The following THRB variants were observed in gnomAD, a reference collection of about 807,000 sequenced individuals.
THRB encodes the protein thyroid hormone receptor beta.
Under a neutral mutation model 47.8 loss-of-function variants are expected in THRB, and 12 were observed. The observed-to-expected ratio is 0.25, with a 90% CI of 0.16 to 0.41. THRB has a LOEUF of 0.41. Among genes scored for constraint, THRB ranks in the 10% least tolerant of loss-of-function variants. The pLI, the probability that THRB is intolerant of heterozygous loss-of-function variation, is 1.00. For missense variants in THRB, 348 were observed against 589.2 expected (o/e 0.59, Z 4.24); for synonymous variants, 218 against 212.2 (o/e 1.03, Z -0.24).
intron 5 of THRB, among the ~76,000 whole-genome samples, chr3:24,179,802 C>A (rs1013376033): frequency 5.9e-5 from 9 of 152,032 alleles, no homozygotes; most frequent in Non-Finnish European, 8.8e-5. Flanking sequence ...TAGTGATCAC[C>A]AGGCTTATAT....
chr3:24,372,732 T>C (rs2065006932), intron 1 of THRB, among the ~76,000 whole-genome samples: 1 of 152,094 alleles, frequency 6.6e-6, no homozygotes, highest in South Asian at 2.1e-4. Flanking sequence ...GAGAGTCCAA[T>C]GTCTCAGGAA....
chr3:24,259,442 C>G (rs1847666), intron 3 of THRB, among the ~76,000 whole-genome samples: 1 of 152,120 alleles, frequency 6.6e-6, no homozygotes, highest in Non-Finnish European at 1.5e-5. Flanking sequence ...TGAACATGTT[C>G]TTAACAGTGT....
At chr3:24,225,900 A>G (rs1395479530) in intron 4 of THRB, among the ~76,000 whole-genome samples, 6 of 152,180 alleles carry the variant, frequency 3.9e-5, no homozygotes, top group Non-Finnish European at 8.8e-5. Context: ...ATGATTTCAT[A>G]TAGTCCTAAT....
intron 1 of THRB, among the ~76,000 whole-genome samples, chr3:24,486,227 C>T (rs73152108): frequency 0.032 from 4,828 of 152,174 alleles, 253 homozygotes; most frequent in African/African-American, 0.11. Context: ...ATTATCTGGC[C>T]GCAAATGCCA....
intron 3 of THRB, among the ~76,000 whole-genome samples, chr3:24,269,599 ATTTTTTT>A (rs10575669): frequency 0.015 from 1,978 of 134,292 alleles, 51 homozygotes; most frequent in African/African-American, 0.052. Context: ...ATAATTTTTA[ATTTTTTT>A]TTTTTTTTTT....
rs114505932 is a variant in THRB at position 24,393,260 on chromosome 3, G to A, written c.-260-55889C>T. Among the ~76,000 whole-genome samples, 969 of 152,240 alleles carry A rather than the reference G, an allele frequency of 6.4e-3. 14 individuals are homozygous for A. Among genetic ancestry groups the A allele is most frequent in the African/African-American group, 0.022 (914 of 41,546 alleles). ...CAGTTATTTTTATATCATGGCAATG[G>A]AAGTCCTTAAGACGACTGAATACCC... is the stretch of plus-strand genomic sequence containing the variant. On this transcript the variant is annotated intron_variant, in intron 1 of 10. Transcript: ENST00000646209.
At chr3:24,402,494 TCTTC>T (rs1224579459) in intron 1 of THRB, among the ~76,000 whole-genome samples, 1 of 79,952 alleles carries the variant, frequency 1.3e-5, no homozygotes, top group Admixed American at 2.0e-4. Context: ...AACCCTTCTT[TCTTC>T]CTTTTTTTTT....
chr3:24,214,254 G>C (rs756433752), intron 4 of THRB, among the ~76,000 whole-genome samples: 4 of 152,166 alleles, frequency 2.6e-5, no homozygotes, highest in Non-Finnish European at 5.9e-5. Flanking sequence ...AAAATGGCTG[G>C]TGCAGGGCTA....
At chr3:24,169,160 T>A (rs1356421147) in intron 5 of THRB, among the ~76,000 whole-genome samples, 1 of 152,220 alleles carries the variant, frequency 6.6e-6, no homozygotes, top group Non-Finnish European at 1.5e-5. Context: ...TTAGTTGGGC[T>A]CATGGCCCCT....
chr3:24,163,231 T>C (rs1003701539), intron 5 of THRB, among the ~76,000 whole-genome samples: 3 of 152,196 alleles, frequency 2.0e-5, no homozygotes, highest in Non-Finnish European at 4.4e-5. Context: ...AAGTAAATAA[T>C]GGTGCATTTA....
chr3:24,420,470 T>C (rs1383571072), intron 1 of THRB, among the ~76,000 whole-genome samples: 1 of 151,888 alleles, frequency 6.6e-6, no homozygotes, highest in African/African-American at 2.4e-5. Flanking sequence ...GTGTGTTAGA[T>C]TCAACCTCAG....
intron 3 of THRB, among the ~76,000 whole-genome samples, chr3:24,251,160 A>G (rs1464301068): frequency 6.6e-6 from 1 of 152,112 alleles, no homozygotes; most frequent in Non-Finnish European, 1.5e-5. Flanking sequence ...AATAATTATG[A>G]TCTAAATAAC....
chr3:24,135,544 C>G (rs760882934), intron 8 of THRB, among the ~76,000 whole-genome samples: 2 of 152,148 alleles, frequency 1.3e-5, no homozygotes, highest in African/African-American at 4.8e-5. Flanking sequence ...GTTCGGCTGG[C>G]TCTCTGGGAG....
chr3:24,268,597 C>T (rs1324741940), intron 3 of THRB, among the ~76,000 whole-genome samples: 1 of 152,106 alleles, frequency 6.6e-6, no homozygotes, highest in Non-Finnish European at 1.5e-5. Flanking sequence ...TAAAATTAAA[C>T]ACATTTTAAA....
intron 8 of THRB, 135 bp downstream of exon 8, chr3:24,143,366 G>T: frequency 1.1e-6 from 1 of 878,606 alleles, no homozygotes; most frequent in Non-Finnish European, 1.9e-6. Context: ...AAGTTACTCA[G>T]CCTCTCAGAG....
At chr3:24,248,489 AGTTT>A in intron 3 of THRB, among the ~76,000 whole-genome samples, 1 of 152,270 alleles carries the variant, frequency 6.6e-6, no homozygotes, top group African/African-American at 2.4e-5. Context: ...GCTGGGTGCT[AGTTT>A]GTTACCTGTT....
At chr3:24,294,288 G>T (rs1444702524) in intron 3 of THRB, among the ~76,000 whole-genome samples, 3 of 152,220 alleles carry the variant, frequency 2.0e-5, no homozygotes, top group Non-Finnish European at 4.4e-5. Context: ...AGCTCCAGCA[G>T]ATGCCATGTG....
At chr3:24,277,766 C>G (rs1028161125) in intron 3 of THRB, among the ~76,000 whole-genome samples, 3 of 152,238 alleles carry the variant, frequency 2.0e-5, no homozygotes, top group South Asian at 4.1e-4. Flanking sequence ...CTTCTGGATG[C>G]CTTCCCTCAA....
intron 4 of THRB, among the ~76,000 whole-genome samples, chr3:24,199,357 T>G (rs1215168867): frequency 1.3e-5 from 2 of 152,178 alleles, no homozygotes; most frequent in Non-Finnish European, 2.9e-5. Context: ...TGCTAAATGG[T>G]TTTGTCTTTC....
Sources: gnomAD v4.1 joint callset for allele counts (sites outside exome capture counted in the v4.1 genomes callset) on GRCh38, gnomAD v4.1.1 for gene constraint, MANE v1.5 for transcripts, NCBI Gene and HGNC (gene_info 2026-07-23, HGNC 2026-07-21) for gene names.